Variants in ARHGAP44 observed in about 807,000 individuals in gnomAD.
ARHGAP44 encodes the protein Rho GTPase activating protein 44, also known as rho GTPase-activating protein 44.
A neutral mutation model predicts 106.8 loss-of-function variants in ARHGAP44; 43 were observed. The ratio of observed to expected loss-of-function variants is 0.40; its 90% CI spans 0.32 to 0.52. ARHGAP44 has a LOEUF of 0.52. Among genes scored for constraint, ARHGAP44 ranks in the 20% least tolerant of loss-of-function variants. ARHGAP44 has a pLI of 0.48. For synonymous variants in ARHGAP44, 439 were observed against 410.3 expected (o/e 1.07, Z -0.85); for missense variants, 866 against 1,050.5 (o/e 0.82, Z 2.43).
chr17:12,890,147 ACT>A (rs2036999262), intron 1 of ARHGAP44, among the ~76,000 whole-genome samples: 1 of 151,456 alleles, frequency 6.6e-6, no homozygotes, highest in Non-Finnish European at 1.5e-5. Context: ...CTTAGTGAGT[ACT>A]CTCTACAGTG....
chr17:12,793,750 A>G (rs977047731), intron 1 of ARHGAP44, among the ~76,000 whole-genome samples: 2 of 151,368 alleles, frequency 1.3e-5, no homozygotes, highest in Non-Finnish European at 2.9e-5. Flanking sequence ...AAAGCATGCT[A>G]TGGTAATAAT....
At chr17:12,975,218 G>A (rs1386408780) in intron 18 of ARHGAP44, among the ~76,000 whole-genome samples, 1 of 152,128 alleles carries the variant, frequency 6.6e-6, no homozygotes, top group Admixed American at 6.5e-5. Context: ...TGAAACTACA[G>A]AAAGTAAAAC....
chr17:12,860,392 A>C (rs780103952), intron 1 of ARHGAP44, among the ~76,000 whole-genome samples: 3 of 152,056 alleles, frequency 2.0e-5, no homozygotes, highest in Non-Finnish European at 4.4e-5. Flanking sequence ...GTTATATAGC[A>C]CCCTCTATCC....
intron 1 of ARHGAP44, among the ~76,000 whole-genome samples, chr17:12,818,806 C>T (rs915169454): frequency 5.3e-5 from 8 of 152,016 alleles, no homozygotes; most frequent in South Asian, 2.1e-4. Context: ...ATAGCATATT[C>T]GAGATTGTTG....
At chr17:12,809,746 G>C (rs11868724) in intron 1 of ARHGAP44, among the ~76,000 whole-genome samples, 15 of 152,176 alleles carry the variant, frequency 9.9e-5, no homozygotes, top group African/African-American at 3.6e-4. Flanking sequence ...CAGTCAAAGT[G>C]AGATAATGGT....
intron 16 of ARHGAP44, 83 bp from the exon 17 acceptor site, chr17:12,973,219 C>A (rs1035506177): frequency 2.1e-6 from 3 of 1,403,024 alleles, no homozygotes; most frequent in South Asian, 1.2e-5. Context: ...TGGAGAGAGA[C>A]CCCTTACAGA....
chr17:12,895,278 C>T (rs2037171200), intron 2 of ARHGAP44, among the ~76,000 whole-genome samples: 1 of 152,172 alleles, frequency 6.6e-6, no homozygotes, highest in Admixed American at 6.5e-5. Context: ...CAGTACTTTG[C>T]ATGATGAATA....
At chr17:12,826,928 T>A (rs1404320788) in intron 1 of ARHGAP44, among the ~76,000 whole-genome samples, 1 of 152,164 alleles carries the variant, frequency 6.6e-6, no homozygotes, top group African/African-American at 2.4e-5. Context: ...TCAGCTTGAG[T>A]GTGCTTTCTT....
At chr17:12,906,229 C>T (rs77213065) in intron 3 of ARHGAP44, among the ~76,000 whole-genome samples, 2 of 152,176 alleles carry the variant, frequency 1.3e-5, no homozygotes, top group Non-Finnish European at 2.9e-5. Context: ...TCTACACTTA[C>T]ATAACACTTC....
intron 1 of ARHGAP44, among the ~76,000 whole-genome samples, chr17:12,873,640 A>G (rs2036465213): frequency 1.3e-5 from 2 of 152,188 alleles, no homozygotes; most frequent in African/African-American, 2.4e-5. Flanking sequence ...GCTCACGCCT[A>G]TAATCCCAGC....
intron 1 of ARHGAP44, among the ~76,000 whole-genome samples, chr17:12,869,114 C>G (rs1301242769): frequency 6.6e-6 from 1 of 151,858 alleles, no homozygotes; most frequent in Non-Finnish European, 1.5e-5. Context: ...GCCTGGGGCT[C>G]GAAAATAACC....
Position 12,937,866 on chromosome 17 carries a change from C to T in ARHGAP44, c.583-3190C>T, listed in dbSNP as rs550820902. Among the ~76,000 whole-genome samples, 299 of 152,118 alleles carry T rather than the reference C, an allele frequency of 2.0e-3. 2 individuals carry two copies. The highest frequency in any genetic ancestry group is 5.6e-3 in the African/African-American group (231 of 41,476). On this transcript the variant is annotated intron_variant, in intron 7 of 20. Coordinates refer to ENST00000379672, the MANE Select transcript of ARHGAP44 (RefSeq NM_014859.6). ...CTGTAATCCCAGCACTTTGGGAGGC[C>T]GAGGTGGGCGGATTGCCTGAGGTCA...
intron 1 of ARHGAP44, among the ~76,000 whole-genome samples, chr17:12,807,051 T>C (rs1472839705): frequency 6.6e-6 from 1 of 152,222 alleles, no homozygotes; most frequent in East Asian, 1.9e-4. Flanking sequence ...TTAAGTTTCA[T>C]TTTGCAGCTT....
Position 12,851,665 on chromosome 17 carries a change from C to T in ARHGAP44, c.54-43275C>T, listed in dbSNP as rs1291940060. 2.0e-5 allele frequency among the ~76,000 whole-genome samples: 3 copies of T among 152,046 alleles called. No homozygotes were observed. In the East Asian group the frequency reaches 5.8e-4, roughly 30 times the overall value. The stretch of plus-strand genomic sequence containing the variant: ...GTCATGGCTGGTCTCGAACTCCTGA[C>T]CTCAGGTGATCCACCTGCCTCGGCC... On this transcript the variant is annotated intron_variant, in intron 1 of 20. Transcript: ENST00000379672.
chr17:12,956,332 A>T (rs1001171177), intron 14 of ARHGAP44, among the ~76,000 whole-genome samples: 6 of 152,056 alleles, frequency 3.9e-5, no homozygotes, highest in African/African-American at 1.4e-4. Flanking sequence ...ATTCGGAGGG[A>T]TAGAAGGCTG....
At chr17:12,939,746 G>A (rs952729608) in intron 7 of ARHGAP44, among the ~76,000 whole-genome samples, 8 of 152,338 alleles carry the variant, frequency 5.3e-5, no homozygotes, top group East Asian at 1.9e-4. Flanking sequence ...GATTACAGGC[G>A]TGAGCCACCA....
At chr17:12,918,660 A>G (rs1224455481) in intron 5 of ARHGAP44, among the ~76,000 whole-genome samples, 1 of 152,084 alleles carries the variant, frequency 6.6e-6, no homozygotes, top group Non-Finnish European at 1.5e-5. Flanking sequence ...TTTTATAAAT[A>G]TAGAATCTGT....
At chr17:12,953,210 T>C (rs2039041395) in intron 13 of ARHGAP44, among the ~76,000 whole-genome samples, 1 of 152,260 alleles carries the variant, frequency 6.6e-6, no homozygotes, top group South Asian at 2.1e-4. Context: ...GAGCCCTAGC[T>C]GTGTTCCACG....
At position 12,949,443 on chromosome 17, in the gene ARHGAP44, G is replaced by T. The variant is rs763995281; in HGVS notation, c.973+192G>T. Among the ~76,000 whole-genome samples the T allele has an allele frequency of 9.9e-5, 15 of 152,184 alleles. No individual in the cohort carries two copies. The highest frequency in any genetic ancestry group is 2.1e-4 in the Non-Finnish European group (14 of 68,034). ...AAGGAAGGCCTCCCCGCATGCCAAG[G>T]GAAGACGAGGTAATTGTGGGAAGAA... is the stretch of plus-strand genomic sequence containing the variant. On this transcript the variant is annotated intron_variant, in intron 11 of 20. Transcript: ENST00000379672. This position sits in a 1 kb window ranked among gnomAD's most constrained non-coding sequence, Gnocchi z 4.1.
Sources: gnomAD v4.1 joint callset for allele counts (sites outside exome capture counted in the v4.1 genomes callset) on GRCh38, gnomAD v4.1.1 for gene constraint, Gnocchi (gnomAD v3.1) non-coding constraint, MANE v1.5 for transcripts, NCBI Gene and HGNC (gene_info 2026-07-23, HGNC 2026-07-21) for gene names.